The following DACH1 variants were observed in gnomAD, a reference collection of about 807,000 sequenced individuals.
DACH1 encodes the protein dachshund family transcription factor 1.
DACH1 carries 12 observed loss-of-function variants against 54.2 expected under a neutral mutation model. That is an observed-to-expected ratio of 0.22 (90% CI 0.14 to 0.36). DACH1 has a LOEUF of 0.36. Among genes scored for constraint, DACH1 ranks in the 10% least tolerant of loss-of-function variants. The probability of loss-of-function intolerance (pLI) is 1.00; values close to 1 mark genes in which losing one functional copy is unlikely to be tolerated. For missense variants in DACH1, 805 were observed against 929.8 expected (o/e 0.87, Z 1.75); for synonymous variants, 386 against 366.2 (o/e 1.05, Z -0.62).
At chr13:71,554,011 T>G (rs1308536947) in intron 6 of DACH1, among the ~76,000 whole-genome samples, 2 of 151,976 alleles carry the variant, frequency 1.3e-5, no homozygotes, top group Non-Finnish European at 2.9e-5. Flanking sequence ...GGTTCAAGCC[T>G]AAAATGTAAC....
chr13:71,544,460 G>A (rs181902086), intron 6 of DACH1, among the ~76,000 whole-genome samples: 32 of 152,084 alleles, frequency 2.1e-4, no homozygotes, highest in Non-Finnish European at 2.9e-4. Flanking sequence ...TTACCACATA[G>A]CAGGTAATAA....
intron 3 of DACH1, among the ~76,000 whole-genome samples, chr13:71,626,832 T>C (rs1813849933): frequency 2.6e-5 from 4 of 152,080 alleles, no homozygotes; most frequent in Admixed American, 2.6e-4. Flanking sequence ...TAATGATTTA[T>C]TTTGTACATT....
chr13:71,444,955 C>T lies in DACH1; in HGVS notation c.2084-4263G>A, dbSNP rs923587838. On this transcript the variant is annotated intron_variant, in intron 10 of 10. Transcript: ENST00000613252. ...CCCTCTCTCCCTACTTCCCCTTCTG[C>T]TGCCTCCTATTGAACTTCTCTACAA... Among the ~76,000 whole-genome samples, 7 of 152,270 alleles carry T rather than the reference C, an allele frequency of 4.6e-5. No individual in the cohort carries two copies. In the East Asian group the frequency reaches 1.4e-3, roughly 29 times the overall value.
intron 3 of DACH1, among the ~76,000 whole-genome samples, chr13:71,629,070 C>T (rs376541402): frequency 1.3e-5 from 2 of 151,994 alleles, no homozygotes; most frequent in Non-Finnish European, 2.9e-5. Flanking sequence ...TCCAACAGTG[C>T]CCCATTTTCT....
intron 6 of DACH1, among the ~76,000 whole-genome samples, chr13:71,548,616 A>C (rs1437007205): frequency 1.3e-5 from 2 of 152,142 alleles, no homozygotes; most frequent in African/African-American, 4.8e-5. Flanking sequence ...GTTAATTACT[A>C]TTCTCAAAAT....
chr13:71,713,482 C>T (rs7332992), intron 1 of DACH1, among the ~76,000 whole-genome samples: 7,608 of 152,104 alleles, frequency 0.05, 603 homozygotes, highest in African/African-American at 0.17. Flanking sequence ...ACAAAAAAAG[C>T]TTCTGGATGC....
chr13:71,598,794 C>G (rs1874293795), intron 3 of DACH1, among the ~76,000 whole-genome samples: 1 of 152,142 alleles, frequency 6.6e-6, no homozygotes, highest in Non-Finnish European at 1.5e-5. Flanking sequence ...AATAGTTCTA[C>G]TTGCAAGTCA....
chr13:71,632,241 G>GT (rs1453645886), intron 2 of DACH1, among the ~76,000 whole-genome samples: 1 of 152,068 alleles, frequency 6.6e-6, no homozygotes, highest in Non-Finnish European at 1.5e-5. Flanking sequence ...ATAAGCAGAG[G>GT]TTTTTGAGCA....
chr13:71,836,270 G>T (rs895804314), intron 1 of DACH1, among the ~76,000 whole-genome samples: 5 of 151,844 alleles, frequency 3.3e-5, no homozygotes, highest in Non-Finnish European at 5.9e-5. Context: ...CAAAAAAAAA[G>T]ACTAAAATAT....
chr13:71,815,826 C>G (rs997771449), intron 1 of DACH1, among the ~76,000 whole-genome samples: 2 of 152,148 alleles, frequency 1.3e-5, no homozygotes, highest in Admixed American at 6.5e-5. Flanking sequence ...TGGCTCACGC[C>G]TGTAATCCCA....
At chr13:71,487,147 G>A (rs1302287070) in intron 7 of DACH1, among the ~76,000 whole-genome samples, 2 of 151,996 alleles carry the variant, frequency 1.3e-5, no homozygotes, top group Non-Finnish European at 2.9e-5. Flanking sequence ...CACGGCACCC[G>A]ACCCTTAATT....
chr13:71,451,044 T>TATG (rs1320645270), intron 10 of DACH1, among the ~76,000 whole-genome samples: 2 of 152,102 alleles, frequency 1.3e-5, no homozygotes, highest in South Asian at 4.1e-4. Context: ...AACAAAAAAT[T>TATG]ATGATGATGA....
intron 3 of DACH1, among the ~76,000 whole-genome samples, chr13:71,610,399 G>A (rs991757106): frequency 2.0e-5 from 3 of 152,056 alleles, no homozygotes; most frequent in Non-Finnish European, 4.4e-5. Flanking sequence ...TCTACCCCTC[G>A]TTCAAGCAAA....
At chr13:71,698,893 G>A (rs936215096) in intron 1 of DACH1, among the ~76,000 whole-genome samples, 1 of 152,084 alleles carries the variant, frequency 6.6e-6, no homozygotes, top group African/African-American at 2.4e-5. Flanking sequence ...GAAGGTACTA[G>A]GGGATCCAGG....
At chr13:71,510,769 T>C (rs912251548) in intron 6 of DACH1, among the ~76,000 whole-genome samples, 1 of 152,014 alleles carries the variant, frequency 6.6e-6, no homozygotes, top group African/African-American at 2.4e-5. Context: ...TTTTATCTCA[T>C]TTATGCCTTC....
intron 1 of DACH1, among the ~76,000 whole-genome samples, chr13:71,765,134 T>C (rs1594193536): frequency 6.6e-6 from 1 of 152,212 alleles, no homozygotes; most frequent in East Asian, 1.9e-4. Context: ...TCTACCGTTA[T>C]CTCAAGTGCA....
chr13:71,475,286 T>C (rs992864164), intron 9 of DACH1, 77 bp from the exon 10 acceptor site: 4 of 1,173,042 alleles, frequency 3.4e-6, no homozygotes, highest in Admixed American at 3.7e-5. Flanking sequence ...GAGCAACCTG[T>C]TACTTTGGTG....
At chr13:71,703,104 A>G (rs1359465109) in intron 1 of DACH1, among the ~76,000 whole-genome samples, 5 of 152,216 alleles carry the variant, frequency 3.3e-5, no homozygotes, top group African/African-American at 1.2e-4. Context: ...TGTGTGTCAT[A>G]TAGTATCTTA....
At chr13:71,469,733 A>G (rs76290589) in intron 10 of DACH1, among the ~76,000 whole-genome samples, 1 of 152,296 alleles carries the variant, frequency 6.6e-6, no homozygotes, top group African/African-American at 2.4e-5. Flanking sequence ...TTGTTGAAAA[A>G]CTGAATAATT....
Sources: allele counts gnomAD v4.1 joint callset (sites outside exome capture counted in the v4.1 genomes callset), GRCh38; gene constraint gnomAD v4.1.1; transcripts MANE v1.5; gene names NCBI Gene and HGNC (gene_info 2026-07-23, HGNC 2026-07-21).